SPON1: variants seen among roughly 807,000 people sequenced by gnomAD.
SPON1 encodes the protein spondin-1.
Under a neutral mutation model 111.7 loss-of-function variants are expected in SPON1, and 52 were observed. That is an observed-to-expected ratio of 0.47 (90% CI 0.37 to 0.59). The LOEUF (loss-of-function observed/expected upper bound fraction) is 0.59, where lower values mean the gene tolerates loss of function less well. SPON1 is among the 20% of genes least tolerant of loss of function. The pLI, the probability that SPON1 is intolerant of heterozygous loss-of-function variation, is 0.00. For missense variants in SPON1, 957 were observed against 1,068.5 expected, an observed-to-expected ratio of 0.90 and a Z score of 1.46; for synonymous variants, 410 against 395.8, an observed-to-expected ratio of 1.04 and a Z score of -0.43.
chr11:14,045,912 G>C (rs186309334), intron 3 of SPON1, among the ~76,000 whole-genome samples: 1 of 151,772 alleles, frequency 6.6e-6, no homozygotes, highest in Non-Finnish European at 1.5e-5. Flanking sequence ...TTTATGTCTT[G>C]TTCAAAAATA....
intron 4 of SPON1, among the ~76,000 whole-genome samples, chr11:14,078,543 A>C (rs1429981069): frequency 2.0e-5 from 3 of 152,152 alleles, no homozygotes; most frequent in Admixed American, 6.5e-5. Context: ...ATCTATGCAG[A>C]CCTATCCAGA....
chr11:14,120,578 A>T (rs2133853526), intron 5 of SPON1, among the ~76,000 whole-genome samples: 1 of 152,052 alleles, frequency 6.6e-6, no homozygotes, highest in African/African-American at 2.4e-5. Flanking sequence ...CACCCTCCCA[A>T]TGGGCCTCTG....
intron 2 of SPON1, among the ~76,000 whole-genome samples, chr11:14,019,329 A>T (rs945611145): frequency 3.3e-5 from 5 of 151,534 alleles, no homozygotes; most frequent in Non-Finnish European, 7.4e-5. Context: ...TGTGATATTT[A>T]AATTTTACAT....
intron 1 of SPON1, among the ~76,000 whole-genome samples, chr11:13,981,191 A>G (rs1328188788): frequency 6.6e-6 from 1 of 152,224 alleles, no homozygotes; most frequent in Non-Finnish European, 1.5e-5. Flanking sequence ...GAGAAGGCAA[A>G]TCAACAAAGA....
chr11:14,025,971 A>G (rs1334966616), intron 2 of SPON1, among the ~76,000 whole-genome samples: 1 of 152,158 alleles, frequency 6.6e-6, no homozygotes, highest in Admixed American at 6.5e-5. Flanking sequence ...ACAATACACC[A>G]TACTGACAGC....
intron 6 of SPON1, among the ~76,000 whole-genome samples, chr11:14,174,176 A>G (rs74939029): frequency 0.082 from 12,465 of 152,230 alleles, 662 homozygotes; most frequent in East Asian, 0.18. Flanking sequence ...AGATAGTGCA[A>G]TGCTTCTACC....
intron 6 of SPON1, among the ~76,000 whole-genome samples, chr11:14,157,326 C>A (rs1464287607): frequency 3.3e-5 from 5 of 152,120 alleles, no homozygotes; most frequent in Admixed American, 2.6e-4. Flanking sequence ...TAAGTTGCCA[C>A]TTATTTTCAT....
At chr11:14,009,431 C>T (rs1447540403) in intron 2 of SPON1, among the ~76,000 whole-genome samples, 1 of 152,252 alleles carries the variant, frequency 6.6e-6, no homozygotes, top group East Asian at 1.9e-4. Flanking sequence ...TCTGCCCCAA[C>T]CCAACTTTTC....
intron 2 of SPON1, among the ~76,000 whole-genome samples, chr11:14,036,366 C>T (rs536953496): frequency 2.6e-4 from 39 of 152,156 alleles, no homozygotes; most frequent in African/African-American, 9.2e-4. Context: ...TGGTGGTAGA[C>T]ATTCAGGAGA....
intron 6 of SPON1, among the ~76,000 whole-genome samples, chr11:14,160,417 T>TTATATATATATATTTA (rs1564918829): frequency 5.3e-5 from 1 of 18,874 alleles, no homozygotes; most frequent in African/African-American, 2.4e-4. Flanking sequence ...ATATATATAT[T>TTATATATATATATTTA]TATATATATA....
At chr11:13,995,133 T>C (rs1481072472) in intron 2 of SPON1, among the ~76,000 whole-genome samples, 3 of 152,214 alleles carry the variant, frequency 2.0e-5, no homozygotes, top group Non-Finnish European at 2.9e-5. Flanking sequence ...GTCTATTTAA[T>C]TCACTGTTGT....
intron 1 of SPON1, among the ~76,000 whole-genome samples, chr11:13,973,059 T>A (rs183325922): frequency 2.0e-5 from 3 of 152,296 alleles, no homozygotes; most frequent in African/African-American, 7.2e-5. Flanking sequence ...TGCCCTCATT[T>A]TTTCTTACTA....
At position 13,976,987 on chromosome 11, in the gene SPON1, T is replaced by C. The variant is rs144061426; in HGVS notation, c.239-5860T>C. Among the ~76,000 whole-genome samples, 472 of 152,358 alleles carry C rather than the reference T, an allele frequency of 3.1e-3. 5 individuals carry two copies. The highest frequency in any genetic ancestry group is 5.2e-3 in the Non-Finnish European group (355 of 68,024). On this transcript the variant is annotated intron_variant, in intron 1 of 15. Transcript: ENST00000576479. ...TTCTCTTGTGCCTGTCTTCTGTCAC[T>C]TGAGATTACGTTTGTGAGATTTATC...
chr11:14,087,111 AT>A (rs144396390), intron 5 of SPON1, among the ~76,000 whole-genome samples: 2 of 151,468 alleles, frequency 1.3e-5, no homozygotes, highest in African/African-American at 2.4e-5. Context: ...GGATTCACTG[AT>A]TTTTTTTAAG....
intron 7 of SPON1, among the ~76,000 whole-genome samples, chr11:14,245,155 G>A (rs571281708): frequency 6.6e-6 from 1 of 152,322 alleles, no homozygotes; most frequent in African/African-American, 2.4e-5. Context: ...AGGGAGGAAA[G>A]TGCTGGACAT....
rs556362011 is a variant in SPON1, at chr11:14,233,077, T to C, written c.826-10255T>C. On this transcript the variant is annotated intron_variant, in intron 6 of 15. Transcript: ENST00000576479. ...CATTCACTCCCCAGGTAATCTATCC[T>C]GTGGTTTTAACTACCAGTCTCTATG... Among the ~76,000 whole-genome samples the C allele has an allele frequency of 2.6e-5, 4 of 152,230 alleles. No individual in the cohort carries two copies. In the South Asian group the frequency reaches 8.3e-4, roughly 32 times the overall value.
chr11:13,965,725 T>G lies in SPON1; in HGVS notation c.238+2583T>G, dbSNP rs562410554. ...CAATTAGCAAACCTGATTCTGCCAC[T>G]CAAAGTCCGAAAGAAAAGGTACTGG... is the stretch of plus-strand genomic sequence containing the variant. On this transcript the variant is annotated intron_variant, in intron 1 of 15. Coordinates refer to ENST00000576479, the MANE Select transcript of SPON1 (RefSeq NM_006108.4). Among the ~76,000 whole-genome samples, 4 of 152,348 alleles carry G rather than the reference T, an allele frequency of 2.6e-5. No homozygotes were observed. The South Asian group carries it at 8.3e-4, about 32-fold the overall frequency.
Position 14,080,322 on chromosome 11 carries a change from G to A in SPON1, c.676+301G>A, listed in dbSNP as rs888740436. On this transcript the variant is annotated intron_variant, in intron 5 of 15. Coordinates refer to ENST00000576479, the MANE Select transcript of SPON1 (RefSeq NM_006108.4). ...CGGCTCACTGCAACCTCCGCCTCCCGGGTTCAAGCAGTTCTCCTGCCTCAG... is the reference window on the plus strand; with the variant it reads ...CGGCTCACTGCAACCTCCGCCTCCCAGGTTCAAGCAGTTCTCCTGCCTCAG... Among the ~76,000 whole-genome samples, 9 of 151,582 alleles carry A rather than the reference G, an allele frequency of 5.9e-5. No homozygotes were observed. In the East Asian group the frequency reaches 9.7e-4, roughly 16 times the overall value.
chr11:14,177,117 T>G (rs1421801518), intron 6 of SPON1, among the ~76,000 whole-genome samples: 1 of 152,186 alleles, frequency 6.6e-6, no homozygotes, highest in African/African-American at 2.4e-5. Context: ...CTCAGCTCAC[T>G]GCAAGCTCCG....
Sources: gnomAD v4.1 joint callset for allele counts (sites outside exome capture counted in the v4.1 genomes callset) on GRCh38, gnomAD v4.1.1 for gene constraint, MANE v1.5 for transcripts, NCBI Gene and HGNC (gene_info 2026-07-23, HGNC 2026-07-21) for gene names.